ZFHX3: variants seen among roughly 807,000 people sequenced by gnomAD.
ZFHX3 encodes the protein zinc finger homeobox protein 3.
A neutral mutation model predicts 279.1 loss-of-function variants in ZFHX3; 42 were observed. That is an observed-to-expected ratio of 0.15 (90% confidence interval 0.12 to 0.19). The LOEUF is 0.19. Among genes scored for constraint, ZFHX3 ranks in the 10% least tolerant of loss-of-function variants. The pLI, the probability that ZFHX3 is intolerant of heterozygous loss-of-function variation, is 1.00. For missense variants in ZFHX3, 4,981 were observed against 4,754.0 expected (o/e 1.05, Z -1.40); for synonymous variants, 2,293 against 1,957.8 (o/e 1.17, Z -4.52).
intron 3 of ZFHX3, among the ~76,000 whole-genome samples, chr16:73,325,924 C>A (rs866530676): frequency 5.1e-5 from 7 of 137,086 alleles, no homozygotes; most frequent in South Asian, 5.1e-4. Context: ...CACACACACA[C>A]ACAAACACAC....
chr16:72,970,694 CA>C (rs777139142), intron 1 of ZFHX3, among the ~76,000 whole-genome samples: 2 of 152,198 alleles, frequency 1.3e-5, no homozygotes, highest in Non-Finnish European at 2.9e-5. Context: ...TAACCATAAC[CA>C]ACACTTATGT....
intron 4 of ZFHX3, among the ~76,000 whole-genome samples, chr16:72,858,327 G>A (rs367811470): frequency 6.6e-6 from 1 of 152,208 alleles, no homozygotes; most frequent in Non-Finnish European, 1.5e-5. Context: ...GGTAATTCAA[G>A]CGACACTGAT....
chr16:72,845,526 C>G (rs2037456350), intron 4 of ZFHX3, among the ~76,000 whole-genome samples: 1 of 152,180 alleles, frequency 6.6e-6, no homozygotes, highest in African/African-American at 2.4e-5. Context: ...GCCCCCAACT[C>G]ACATCACTGC....
chr16:73,723,280 C>CA (rs953916486), intron 1 of ZFHX3, among the ~76,000 whole-genome samples: 9 of 151,126 alleles, frequency 6.0e-5, no homozygotes, highest in African/African-American at 1.7e-4. Flanking sequence ...GTACTAAAAA[C>CA]AAAAAAAAGG....
chr16:73,204,440 A>G (rs1051109549), intron 5 of ZFHX3, among the ~76,000 whole-genome samples: 1 of 152,294 alleles, frequency 6.6e-6, no homozygotes. Flanking sequence ...GAAGTGCCCA[A>G]CCTAGATCCC....
chr16:73,878,943 A>G (rs1025472839), intron 1 of ZFHX3, among the ~76,000 whole-genome samples: 1 of 58,234 alleles, frequency 1.7e-5, no homozygotes, highest in African/African-American at 8.0e-5. Flanking sequence ...AAGATAAGAT[A>G]TATATATATA....
At chr16:73,350,753 G>A (rs1471709956) in intron 3 of ZFHX3, among the ~76,000 whole-genome samples, 1 of 152,226 alleles carries the variant, frequency 6.6e-6, no homozygotes, top group Non-Finnish European at 1.5e-5. Context: ...GGTGGCTAGA[G>A]GCATTGCTAC....
chr16:73,454,481 A>G (rs2018336374), intron 3 of ZFHX3, among the ~76,000 whole-genome samples: 1 of 152,070 alleles, frequency 6.6e-6, no homozygotes, highest in Admixed American at 6.5e-5. Flanking sequence ...GGGACCATTC[A>G]AGCTACCAAA....
At chr16:73,882,063 G>A (rs748402294) in intron 1 of ZFHX3, among the ~76,000 whole-genome samples, 54 of 152,228 alleles carry the variant, frequency 3.5e-4, no homozygotes, top group Non-Finnish European at 6.6e-4. Context: ...GAAAAGCACC[G>A]CTAAGTGCTA....
chr16:73,442,471 TA>T (rs1162663754), intron 3 of ZFHX3, among the ~76,000 whole-genome samples: 2 of 151,486 alleles, frequency 1.3e-5, no homozygotes, highest in African/African-American at 4.9e-5. Flanking sequence ...GAATCTTTTT[TA>T]AATTAAAAAA....
chr16:73,572,545 C>T (rs2051752763), intron 2 of ZFHX3, among the ~76,000 whole-genome samples: 1 of 152,196 alleles, frequency 6.6e-6, no homozygotes, highest in South Asian at 2.1e-4. Context: ...TGAGCCTCCC[C>T]TCTCCGTAGG....
In ZFHX3 at chr16:73,322,891, G is replaced by T. The variant is rs558825876; in HGVS notation, c.-1290-4555C>A. ...CGGTCAGCAAACTGCAGCCTGGATAGGCCCAAACTAGTCTGCCACTTGTTT... is the reference window on the plus strand; with the variant it reads ...CGGTCAGCAAACTGCAGCCTGGATATGCCCAAACTAGTCTGCCACTTGTTT... On this transcript the variant is annotated intron_variant, in intron 3 of 17. Coordinates refer to the ZFHX3 transcript ENST00000641206. Among the ~76,000 whole-genome samples, 113 of 152,330 alleles carry T rather than the reference G, an allele frequency of 7.4e-4. 3 individuals are homozygous for T. The South Asian group carries it at 0.022, about 29-fold the overall frequency.
intron 8 of ZFHX3, among the ~76,000 whole-genome samples, chr16:73,076,786 T>C (rs561832871): frequency 4.8e-4 from 73 of 152,356 alleles, no homozygotes; most frequent in Middle Eastern, 3.4e-3. Context: ...CAGGAATTTC[T>C]TGGGGAATTT....
rs990544073 is a variant in ZFHX3 at position 73,516,699 on chromosome 16, G to A, written c.-1546-60441C>T. On this transcript the variant is annotated intron_variant, in intron 2 of 17. Transcript: ENST00000641206. ...ATTTCTTCTTCCTTCGTTCTCCATT[G>A]ATTTTCATCACATGAACCCAGGAGT... Among the ~76,000 whole-genome samples the A allele has an allele frequency of 2.6e-5, 4 of 152,228 alleles. No individual in the cohort carries two copies. In the East Asian group the frequency reaches 7.7e-4, roughly 29 times the overall value.
intron 3 of ZFHX3, among the ~76,000 whole-genome samples, chr16:72,927,670 C>T (rs974608044): frequency 1.3e-5 from 2 of 152,076 alleles, no homozygotes; most frequent in South Asian, 2.1e-4. Context: ...CACAGCCCCC[C>T]GCCCCTCCGG....
At chr16:73,790,062 G>C (rs145891627) in intron 1 of ZFHX3, among the ~76,000 whole-genome samples, 2,031 of 152,246 alleles carry the variant, frequency 0.013, 27 homozygotes, top group South Asian at 0.04. Context: ...ATTTGCTCCA[G>C]GCTGAAACTT....
intron 1 of ZFHX3, among the ~76,000 whole-genome samples, chr16:73,837,102 A>C (rs1004841580): frequency 3.3e-5 from 5 of 152,216 alleles, no homozygotes; most frequent in Non-Finnish European, 5.9e-5. Flanking sequence ...ACAGCAACAC[A>C]CAATAGAGTA....
At chr16:72,871,997 A>C (rs7342728) in intron 4 of ZFHX3, among the ~76,000 whole-genome samples, 1 of 151,778 alleles carries the variant, frequency 6.6e-6, no homozygotes, top group East Asian at 2.0e-4. Context: ...AGGCAGGAGA[A>C]TGGCATGAAC....
At chr16:73,472,297 T>C (rs2018682649) in intron 2 of ZFHX3, among the ~76,000 whole-genome samples, 2 of 149,780 alleles carry the variant, frequency 1.3e-5, no homozygotes, top group Admixed American at 1.3e-4. Context: ...ACAGCATATC[T>C]AAAGTCCCAA....
Sources: gnomAD v4.1 joint callset for allele counts (sites outside exome capture counted in the v4.1 genomes callset) on GRCh38, gnomAD v4.1.1 for gene constraint, MANE v1.5 for transcripts, NCBI Gene and HGNC (gene_info 2026-07-23, HGNC 2026-07-21) for gene names.